Variants in PLEKHG1 observed in about 807,000 individuals in gnomAD.
The protein encoded by PLEKHG1 is pleckstrin homology domain-containing family G member 1.
A neutral mutation model predicts 100.8 loss-of-function variants in PLEKHG1; 44 were observed. The observed-to-expected ratio is 0.44, with a 90% CI of 0.34 to 0.56. PLEKHG1 has a LOEUF of 0.56. Among genes scored for constraint, PLEKHG1 ranks in the 20% least tolerant of loss-of-function variants. The probability of loss-of-function intolerance (pLI) is 0.01; values close to 1 mark genes in which losing one functional copy is unlikely to be tolerated. For missense variants in PLEKHG1, 1,545 were observed against 1,720.9 expected (o/e 0.90, Z 1.81); for synonymous variants, 640 against 662.5 (o/e 0.97, Z 0.52).
intron 12 of PLEKHG1, among the ~76,000 whole-genome samples, chr6:150,820,361 C>T (rs1022202994): frequency 3.3e-5 from 5 of 152,178 alleles, no homozygotes; most frequent in Non-Finnish European, 7.3e-5. Flanking sequence ...ATGAGTGACA[C>T]ACACAAAAGA....
intron 3 of PLEKHG1, among the ~76,000 whole-genome samples, chr6:150,701,427 A>G (rs1180878810): frequency 1.7e-4 from 7 of 40,278 alleles, no homozygotes; most frequent in African/African-American, 1.7e-3. Flanking sequence ...TTATATATAT[A>G]TATATATATA....
intron 6 of PLEKHG1, 53 bp from the exon 8 acceptor site, chr6:150,804,557 C>T (rs1786927292): frequency 1.4e-6 from 2 of 1,418,262 alleles, no homozygotes; most frequent in African/African-American, 1.5e-5. Flanking sequence ...GTTTCACTGT[C>T]TATATGAAAA....
At chr6:150,624,297 A>G (rs954164090) in intron 1 of PLEKHG1, among the ~76,000 whole-genome samples, 18 of 151,900 alleles carry the variant, frequency 1.2e-4, no homozygotes, top group Admixed American at 3.9e-4. Flanking sequence ...CACCCTGCCT[A>G]TCTCTGCTTC....
Position 150,779,345 on chromosome 6 carries a change from T to TTTTTTTTTTTTTG in PLEKHG1, c.513-7033_513-7032insGTTTTTTTTTTTT, listed in dbSNP as rs1554272283. On this transcript the variant is annotated intron_variant, in intron 3 of 15. Coordinates refer to ENST00000358517, the Ensembl canonical transcript of PLEKHG1. ...CAGGGGGTTAAATATTGTCAAGAAG[T>TTTTTTTTTTTTTG]TTTTTTTTTTTTTTTTTTGAGACAG... Among the ~76,000 whole-genome samples, 5 of 84,172 alleles carry TTTTTTTTTTTTTG rather than the reference T, an allele frequency of 5.9e-5. No individual in the cohort carries two copies. In the East Asian group the frequency reaches 1.7e-3, roughly 29 times the overall value. The allele number at this position is 84,172 out of a possible 152,430, so 55.2% of individuals were successfully genotyped here.
At chr6:150,772,119 G>A (rs549663635) in intron 3 of PLEKHG1, among the ~76,000 whole-genome samples, 44 of 152,316 alleles carry the variant, frequency 2.9e-4, no homozygotes, top group African/African-American at 1.0e-3. Flanking sequence ...GGGGAGGGAG[G>A]ATCTGGAATT....
At chr6:150,726,292 T>C (rs1781959492) in intron 1 of PLEKHG1, among the ~76,000 whole-genome samples, 1 of 152,170 alleles carries the variant, frequency 6.6e-6, no homozygotes, top group Admixed American at 6.5e-5. Flanking sequence ...TTAATAATAA[T>C]AAAGAGGCAT....
In PLEKHG1 at chr6:150,830,801, C is replaced by CCGTCATT; in HGVS notation, c.1691_1697dup (p.Ser567ValfsTer14). The CCGTCATT allele has an allele frequency of 6.2e-7, 1 of 1,614,088 alleles. No homozygotes were observed. The highest frequency in any genetic ancestry group is 8.5e-7 in the Non-Finnish European group (1 of 1,179,968). ...TGAAGATGATTATCAGATGTTCGTG[C>CCGTCATT]CGTCATTTTCCTCCTCAGATCTGAA... On this transcript the variant is annotated frameshift_variant, in exon 15 of 16. Transcript: ENST00000358517. LOFTEE classifies it high-confidence loss of function.
At position 150,683,934 on chromosome 6, in the gene PLEKHG1, G is replaced by C. The variant is rs1243300942; in HGVS notation, c.-99+33148G>C. The C allele has an allele frequency of 1.8e-5, 12 of 665,470 alleles. No homozygotes were observed. Among genetic ancestry groups the C allele is most frequent in the South Asian group, 1.7e-4 (10 of 57,448 alleles). 41.2% of individuals were successfully genotyped at this position (665,470 alleles called of 1,614,324 possible). A position where few individuals can be genotyped will look rare whatever the true frequency, so the allele number is the denominator to read the frequency against. ...GCACCTGCAGCCAGGGTGGTGGCAA[G>C]GGCAGTGGCAAGTAGTGGGTTTCAT... On this transcript the variant is annotated intron_variant, in intron 3 of 3. Coordinates refer to the PLEKHG1 transcript ENST00000367326. This position sits in a 1 kb window ranked among gnomAD's most constrained non-coding sequence, Gnocchi z 4.0.
intron 2 of PLEKHG1, among the ~76,000 whole-genome samples, chr6:150,646,089 C>G (rs961431831): frequency 2.0e-5 from 3 of 152,188 alleles, no homozygotes; most frequent in African/African-American, 7.2e-5. Context: ...ACGGGTATAT[C>G]TCACACAATA....
intron 3 of PLEKHG1, among the ~76,000 whole-genome samples, chr6:150,652,352 G>A (rs1443945878): frequency 6.6e-6 from 1 of 152,172 alleles, no homozygotes. Flanking sequence ...TACGTCAAAT[G>A]CTTATTAGAG....
chr6:150,768,773 G>A (rs375470749), intron 3 of PLEKHG1, 35 bp downstream of exon 4: 35 of 1,201,326 alleles, frequency 2.9e-5, no homozygotes, highest in African/African-American at 2.6e-4. Context: ...TCTCACATAC[G>A]AGCATTATGA....
chr6:150,630,386 A>G (rs184423578), intron 1 of PLEKHG1, among the ~76,000 whole-genome samples: 52 of 152,342 alleles, frequency 3.4e-4, no homozygotes, highest in African/African-American at 1.2e-3. Flanking sequence ...GATCAGGGTG[A>G]AAACTGAAGA....
intron 2 of PLEKHG1, among the ~76,000 whole-genome samples, chr6:150,754,141 G>C (rs965132884): frequency 6.6e-6 from 1 of 152,174 alleles, no homozygotes; most frequent in Admixed American, 6.5e-5. Context: ...GTCAGAGGAG[G>C]ATTCCTGGGA....
At chr6:150,839,470 G>A (rs1777400789) in intron 15 of PLEKHG1, among the ~76,000 whole-genome samples, 1 of 152,176 alleles carries the variant, frequency 6.6e-6, no homozygotes, top group Admixed American at 6.5e-5. Flanking sequence ...CCAGGCTGAA[G>A]TGCTGACTTT....
At chr6:150,610,327 C>T (rs1195177308) in intron 1 of PLEKHG1, among the ~76,000 whole-genome samples, 4 of 152,188 alleles carry the variant, frequency 2.6e-5, no homozygotes, top group African/African-American at 9.7e-5. Flanking sequence ...GTCCCGAACT[C>T]CCGACCTTAA....
intron 1 of PLEKHG1, among the ~76,000 whole-genome samples, chr6:150,627,313 G>C (rs1777548983): frequency 6.6e-6 from 1 of 152,066 alleles, no homozygotes; most frequent in African/African-American, 2.4e-5. Context: ...ACTTATGAGT[G>C]ACTCAAAAGC....
chr6:150,737,015 T>C (rs1782594267), intron 2 of PLEKHG1, among the ~76,000 whole-genome samples: 2 of 152,142 alleles, frequency 1.3e-5, no homozygotes, highest in Non-Finnish European at 2.9e-5. Context: ...CAGGAAGAGC[T>C]AGATGCTCCT....
intron 3 of PLEKHG1, among the ~76,000 whole-genome samples, chr6:150,670,626 A>G (rs146723637): frequency 1.8e-4 from 28 of 152,306 alleles, no homozygotes; most frequent in African/African-American, 6.5e-4. Context: ...GGAGTTCCCT[A>G]TTTATCCTGG....
At chr6:150,682,876 C>T (rs183682732) in intron 3 of PLEKHG1, among the ~76,000 whole-genome samples, 29 of 152,254 alleles carry the variant, frequency 1.9e-4, no homozygotes, top group Non-Finnish European at 4.4e-5. Flanking sequence ...ACCAGGAGCT[C>T]CTGGAGCACC....
Sources: allele counts gnomAD v4.1 joint callset (sites outside exome capture counted in the v4.1 genomes callset), GRCh38; gene constraint gnomAD v4.1.1; non-coding constraint Gnocchi (gnomAD v3.1); transcripts MANE v1.5; gene names NCBI Gene and HGNC (gene_info 2026-07-23, HGNC 2026-07-21).